GRAMD1B: variants seen among roughly 807,000 people sequenced by gnomAD.
The protein encoded by GRAMD1B is protein Aster-B.
A neutral mutation model predicts 99.7 loss-of-function variants in GRAMD1B; 37 were observed. That is an observed-to-expected ratio of 0.37 (90% confidence interval 0.29 to 0.49). The LOEUF (loss-of-function observed/expected upper bound fraction) is 0.49. Ranked by LOEUF, GRAMD1B falls within the 20% of genes least tolerant of loss-of-function variation. The probability of loss-of-function intolerance (pLI) is 0.98; values close to 1 mark genes in which losing one functional copy is unlikely to be tolerated. For missense variants in GRAMD1B, 888 were observed against 1,009.2 expected, an observed-to-expected ratio of 0.88 and a Z score of 1.63; for synonymous variants, 427 against 387.6, an observed-to-expected ratio of 1.10 and a Z score of -1.19.
At chr11:123,529,672 G>A (rs1005681323) in intron 2 of GRAMD1B, among the ~76,000 whole-genome samples, 2 of 152,192 alleles carry the variant, frequency 1.3e-5, no homozygotes, top group South Asian at 2.1e-4. Flanking sequence ...GTTTTTTAAA[G>A]AGTAACTCAC....
At chr11:123,558,768 G>A (rs535761644) in intron 2 of GRAMD1B, among the ~76,000 whole-genome samples, 1 of 152,316 alleles carries the variant, frequency 6.6e-6, no homozygotes, top group Non-Finnish European at 1.5e-5. Context: ...TCTAGGTAAC[G>A]GAGGCAGGGC....
intron 2 of GRAMD1B, chr11:123,525,563 C>T (rs894187730): frequency 1.9e-5 from 3 of 153,940 alleles, no homozygotes; most frequent in African/African-American, 7.2e-5. Context: ...CATCCTGGGA[C>T]TAAACATGTG....
In GRAMD1B at chr11:123,430,778, G is replaced by A; in HGVS notation, c.-15G>A. Reference sequence around the variant, plus strand: ...TGGCGGAGGGCTCAGGGGGAGCGCAGAGGCGACGGCCCCCATGCCGGCGGC... The same window carrying A: ...TGGCGGAGGGCTCAGGGGGAGCGCAAAGGCGACGGCCCCCATGCCGGCGGC... On this transcript the variant is annotated 5_prime_UTR_variant, in exon 1 of 20. Coordinates refer to ENST00000635736, the MANE Select transcript of GRAMD1B (RefSeq NM_001387025.1). 1.5e-6 allele frequency: 1 copy of A among 664,598 alleles called. No individual in the cohort carries two copies. The highest frequency in any genetic ancestry group is 1.7e-5 in the South Asian group (1 of 60,462). The allele number at this position is 664,598 out of a possible 1,614,324, so 41.2% of individuals were successfully genotyped here.
chr11:123,554,588 T>C (rs1223207703), intron 2 of GRAMD1B, among the ~76,000 whole-genome samples: 1 of 151,146 alleles, frequency 6.6e-6, no homozygotes, highest in Non-Finnish European at 1.5e-5. Flanking sequence ...TGTGTGCCTG[T>C]AGCCCCAGCT....
chr11:123,432,958 G>C, intron 1 of GRAMD1B, among the ~76,000 whole-genome samples: 1 of 152,256 alleles, frequency 6.6e-6, no homozygotes, highest in African/African-American at 2.4e-5. Flanking sequence ...TTTTGTGGAC[G>C]CTGGGGATAG....
intron 7 of GRAMD1B, among the ~76,000 whole-genome samples, chr11:123,597,353 A>G (rs931063228): frequency 6.8e-6 from 1 of 146,562 alleles, no homozygotes; most frequent in Non-Finnish European, 1.5e-5. Flanking sequence ...CAGCCTCCCA[A>G]GTAGCTGGGA....
Position 123,626,484 on chromosome 11 carries a change from T to C in GRAMD1B, c.*3889T>C. On this transcript the variant is annotated 3_prime_UTR_variant, in exon 20 of 20. Coordinates refer to ENST00000635736, the MANE Select transcript of GRAMD1B (RefSeq NM_001387025.1). ...CTGGATGCTTGTGGTCCCAGAAGGG[T>C]ACTTTCTGTGTCATACCATGCCACT... The C allele has an allele frequency of 6.6e-6, 1 of 150,746 alleles. No homozygotes were observed. The highest frequency in any genetic ancestry group is 2.0e-4 in the East Asian group (1 of 5,106). 9.3% of individuals were successfully genotyped at this position (150,746 alleles called of 1,614,324 possible).
intron 2 of GRAMD1B, among the ~76,000 whole-genome samples, chr11:123,486,085 A>C (rs1591676211): frequency 6.6e-6 from 1 of 152,304 alleles, no homozygotes; most frequent in South Asian, 2.1e-4. Flanking sequence ...CTCCTTTGTA[A>C]AAATTTGATG....
intron 2 of GRAMD1B, among the ~76,000 whole-genome samples, chr11:123,539,893 C>A (rs922568476): frequency 6.6e-6 from 1 of 152,148 alleles, no homozygotes; most frequent in Non-Finnish European, 1.5e-5. Flanking sequence ...AGTTTCAGTA[C>A]CTCCTCCTTG....
chr11:123,622,975 AGAC>A lies in GRAMD1B; in HGVS notation c.*382_*384del, dbSNP rs1371171061. 1 of 152,356 alleles carries A rather than the reference AGAC, an allele frequency of 6.6e-6. No homozygotes were observed. The highest frequency in any genetic ancestry group is 1.5e-5 in the Non-Finnish European group (1 of 68,056). 9.4% of individuals were successfully genotyped at this position (152,356 alleles called of 1,614,324 possible). ...CCTAAGGTCTCAAAAAGAAGTCTTA[AGAC>A]GGCATTGCTTAAGGTGCTTCATTCC... is the stretch of plus-strand genomic sequence containing the variant. On this transcript the variant is annotated 3_prime_UTR_variant, in exon 20 of 20. Coordinates refer to ENST00000635736, the MANE Select transcript of GRAMD1B (RefSeq NM_001387025.1).
intron 4 of GRAMD1B, among the ~76,000 whole-genome samples, chr11:123,584,584 C>T (rs1949875933): frequency 6.6e-6 from 1 of 151,984 alleles, no homozygotes; most frequent in South Asian, 2.1e-4. Context: ...GGCTCTTAGA[C>T]AAGGGTCTGT....
chr11:123,575,392 G>T (rs369781156), intron 2 of GRAMD1B, among the ~76,000 whole-genome samples: 1 of 152,022 alleles, frequency 6.6e-6, no homozygotes, highest in South Asian at 2.1e-4. Flanking sequence ...CATGTTGCCC[G>T]GGCTGGTCTC....
At chr11:123,557,278 T>C (rs751023058) in intron 2 of GRAMD1B, among the ~76,000 whole-genome samples, 1 of 152,232 alleles carries the variant, frequency 6.6e-6, no homozygotes, top group Non-Finnish European at 1.5e-5. Flanking sequence ...ATGAAAGCCT[T>C]GTATTCTGTA....
At position 123,510,447 on chromosome 11, in the gene GRAMD1B, G is replaced by T. The variant is rs1480767819; in HGVS notation, c.452+29554G>T. Among the ~76,000 whole-genome samples the T allele has an allele frequency of 6.6e-6, 1 of 152,158 alleles. No homozygotes were observed. Among genetic ancestry groups the T allele is most frequent in the African/African-American group, 2.4e-5 (1 of 41,434 alleles). ...TGACTCAGCCTCCTGGGAGTCTGTGGAACACAGACAGGAGACAGGGCCCCC... is the reference window on the plus strand; with the variant it reads ...TGACTCAGCCTCCTGGGAGTCTGTGTAACACAGACAGGAGACAGGGCCCCC... On this transcript the variant is annotated intron_variant, in intron 2 of 19. Coordinates refer to ENST00000635736, the MANE Select transcript of GRAMD1B (RefSeq NM_001387025.1). This position sits in a 1 kb window ranked among gnomAD's most constrained non-coding sequence, Gnocchi z 4.3.
intron 2 of GRAMD1B, among the ~76,000 whole-genome samples, chr11:123,523,809 T>C (rs1942427921): frequency 6.6e-6 from 1 of 152,214 alleles, no homozygotes; most frequent in African/African-American, 2.4e-5. Flanking sequence ...TGGAATCTGT[T>C]GCATCCCTTC....
At chr11:123,466,353 A>AAG (rs1950662573) in intron 1 of GRAMD1B, among the ~76,000 whole-genome samples, 1 of 129,446 alleles carries the variant, frequency 7.7e-6, no homozygotes, top group African/African-American at 3.2e-5. Flanking sequence ...AAGGAAGGAA[A>AAG]GAAGGAAGGA....
At chr11:123,525,995 C>G in intron 2 of GRAMD1B, 1 of 646,802 alleles carries the variant, frequency 1.5e-6, no homozygotes, top group Non-Finnish European at 2.8e-6. Context: ...CTGGCTCTTT[C>G]TCCCTTTCTC....
Position 123,606,805 on chromosome 11 carries a change from A to T in GRAMD1B, c.1513+7A>T. ...TCCGACACACACGATGAAGGTGGGC[A>T]TTTGAAAATGGGTCTGGAGTGGCCC... On this transcript the variant is annotated splice_region_variant and intron_variant, in intron 11 of 19. Transcript: ENST00000635736. 6.2e-7 allele frequency: 1 copy of T among 1,611,798 alleles called. No homozygotes were observed. Among genetic ancestry groups the T allele is most frequent in the South Asian group, 1.1e-5 (1 of 90,740 alleles).
intron 1 of GRAMD1B, among the ~76,000 whole-genome samples, chr11:123,407,574 C>A (rs1591452956): frequency 6.6e-6 from 1 of 152,176 alleles, no homozygotes; most frequent in East Asian, 1.9e-4. Flanking sequence ...GCATTAGGAA[C>A]CTGTTGGTCA....
Sources: allele counts gnomAD v4.1 joint callset (sites outside exome capture counted in the v4.1 genomes callset), GRCh38; gene constraint gnomAD v4.1.1; non-coding constraint Gnocchi (gnomAD v3.1); transcripts MANE v1.5; gene names NCBI Gene and HGNC (gene_info 2026-07-23, HGNC 2026-07-21).